The following ANKRD62 variants were observed in gnomAD, a reference collection of about 807,000 sequenced individuals.
ANKRD62 encodes ankyrin repeat domain 62.
ANKRD62 carries 61 observed loss-of-function variants against 98.8 expected under a neutral mutation model. The observed-to-expected ratio is 0.62, with a 90% CI of 0.50 to 0.76. The LOEUF (loss-of-function observed/expected upper bound fraction) is 0.76, where lower values mean the gene tolerates loss of function less well. ANKRD62 is among the 30% of genes least tolerant of loss of function. ANKRD62 has a pLI of 0.00. For missense variants in ANKRD62, 933 were observed against 1,082.9 expected, an observed-to-expected ratio of 0.86 and a Z score of 1.94; for synonymous variants, 341 against 367.9, an observed-to-expected ratio of 0.93 and a Z score of 0.84.
rs141357103 is a variant in ANKRD62, at chr18:12,120,347, T to C, written c.1241-1956T>C. Among the ~76,000 whole-genome samples, 1,463 of 152,318 alleles carry C rather than the reference T, an allele frequency of 9.6e-3. 26 individuals are homozygous for C. Among genetic ancestry groups the C allele is most frequent in the African/African-American group, 0.033 (1,389 of 41,576 alleles). On this transcript the variant is annotated intron_variant, in intron 10 of 13. Coordinates refer to ENST00000587848, the MANE Select transcript of ANKRD62 (RefSeq NM_001277333.2). ...TTAGGGGCATAAACATTTAGGACTA[T>C]TATATCTTCTTGATTAACTGAAACT...
chr18:12,175,957 C>T, the ANKRD62 span, among the ~76,000 whole-genome samples: 6 of 151,576 alleles, frequency 4.0e-5, no homozygotes, highest in South Asian at 2.1e-4. Context: ...TTTGGGAGGC[C>T]GAGGTGGATG....
At chr18:12,115,001 A>T (rs1367755962) in intron 8 of ANKRD62, 87 bp from the exon 9 acceptor site, 3 of 998,230 alleles carry the variant, frequency 3.0e-6, no homozygotes, top group Non-Finnish European at 2.7e-6. Flanking sequence ...ACAAACACAG[A>T]GATTTTATAT....
At chr18:12,106,429 G>A (rs1909414776) in intron 7 of ANKRD62, among the ~76,000 whole-genome samples, 1 of 152,222 alleles carries the variant, frequency 6.6e-6, no homozygotes, top group South Asian at 2.1e-4. Flanking sequence ...GAGGCATTAT[G>A]TTACTTTCCC....
downstream of ANKRD62, among the ~76,000 whole-genome samples, chr18:12,134,496 G>A (rs1382895746): frequency 6.6e-6 from 1 of 152,040 alleles, no homozygotes; most frequent in Non-Finnish European, 1.5e-5. Context: ...TTTACATTAG[G>A]TATATCTCCT....
At chr18:12,127,622 A>T (rs1214974574) in intron 13 of ANKRD62, 126 bp from the exon 14 acceptor site, 1 of 628,134 alleles carries the variant, frequency 1.6e-6, no homozygotes, top group Non-Finnish European at 2.4e-6. Flanking sequence ...TGTACACATG[A>T]GGAGGAGAAG....
the ANKRD62 span, among the ~76,000 whole-genome samples, chr18:12,140,331 C>A: frequency 6.6e-6 from 1 of 152,182 alleles, no homozygotes; most frequent in Admixed American, 6.5e-5. Flanking sequence ...TCTTCTGAAG[C>A]CTTCCTCTCT....
intron 6 of ANKRD62, chr18:12,102,853 T>G: frequency 2.3e-6 from 2 of 888,122 alleles, no homozygotes; most frequent in Non-Finnish European, 2.8e-6. Context: ...GATTTTCAAA[T>G]TTTGTTTTTC....
intron 6 of ANKRD62, chr18:12,102,647 T>C: frequency 1.1e-6 from 1 of 889,272 alleles, no homozygotes; most frequent in East Asian, 9.0e-5. Context: ...ACACAGCTGT[T>C]GAAAAATGAA....
chr18:12,152,835 T>G, the ANKRD62 span, among the ~76,000 whole-genome samples: 1 of 152,178 alleles, frequency 6.6e-6, no homozygotes, highest in East Asian at 1.9e-4. Flanking sequence ...AACCCCATAG[T>G]TGAAGCCGAG....
intron 10 of ANKRD62, among the ~76,000 whole-genome samples, chr18:12,120,863 G>A (rs1909768582): frequency 6.6e-6 from 1 of 152,090 alleles, no homozygotes; most frequent in Non-Finnish European, 1.5e-5. Context: ...TTCAAGTAAT[G>A]TTATACCACA....
At chr18:12,178,515 G>C in the ANKRD62 span, among the ~76,000 whole-genome samples, 1 of 148,722 alleles carries the variant, frequency 6.7e-6, no homozygotes, top group South Asian at 2.2e-4. Flanking sequence ...GGCCAGTGTT[G>C]TTGTTACCTG....
At chr18:12,172,364 C>G in the ANKRD62 span, among the ~76,000 whole-genome samples, 1 of 152,208 alleles carries the variant, frequency 6.6e-6, no homozygotes, top group Non-Finnish European at 1.5e-5. Context: ...TTCTAACAGT[C>G]AGGTCCCTCA....
chr18:12,105,374 A>G (rs1909390223), intron 7 of ANKRD62, among the ~76,000 whole-genome samples: 1 of 152,234 alleles, frequency 6.6e-6, no homozygotes, highest in Non-Finnish European at 1.5e-5. Flanking sequence ...TTACAGCACA[A>G]TATACAAAGA....
At chr18:12,154,432 AAGTC>A in the ANKRD62 span, among the ~76,000 whole-genome samples, 1 of 152,178 alleles carries the variant, frequency 6.6e-6, no homozygotes, top group African/African-American at 2.4e-5. Flanking sequence ...TGTTATAAGA[AAGTC>A]AGGAAACAAC....
At chr18:12,173,124 C>T in the ANKRD62 span, among the ~76,000 whole-genome samples, 1 of 152,180 alleles carries the variant, frequency 6.6e-6, no homozygotes, top group African/African-American at 2.4e-5. Context: ...CCGACAAGCC[C>T]CAGTGAGATG....
chr18:12,173,380 G>A, the ANKRD62 span, among the ~76,000 whole-genome samples: 1 of 152,204 alleles, frequency 6.6e-6, no homozygotes, highest in African/African-American at 2.4e-5. Flanking sequence ...TTGAGCCTAT[G>A]TGTGTCATTG....
chr18:12,102,668 A>G (rs1909329378), intron 6 of ANKRD62: 2 of 990,598 alleles, frequency 2.0e-6, no homozygotes, highest in Non-Finnish European at 2.5e-6. Context: ...ATTTGTCAGA[A>G]TAGTAGAGGA....
At chr18:12,096,158 A>C (rs1311229128) in intron 3 of ANKRD62, 38 bp from the exon 4 acceptor site, 30 of 1,332,408 alleles carry the variant, frequency 2.3e-5, no homozygotes, top group Non-Finnish European at 3.0e-5. Flanking sequence ...GGAAGTATGT[A>C]ATTTTGTGAA....
At chr18:12,101,952 A>G in intron 6 of ANKRD62, 1 of 869,682 alleles carries the variant, frequency 1.1e-6, no homozygotes, top group Non-Finnish European at 2.0e-6. Flanking sequence ...AGAGGCAAAG[A>G]GGCATACATC....
Sources: allele counts gnomAD v4.1 joint callset (sites outside exome capture counted in the v4.1 genomes callset), GRCh38; gene constraint gnomAD v4.1.1; transcripts MANE v1.5; gene names NCBI Gene and HGNC (gene_info 2026-07-23, HGNC 2026-07-21).